The following PRKAR1B variants were observed in gnomAD, a reference collection of about 807,000 sequenced individuals.
PRKAR1B encodes the protein protein kinase cAMP-dependent type I regulatory subunit beta, also known as cAMP-dependent protein kinase type I-beta regulatory subunit.
A neutral mutation model predicts 46.5 loss-of-function variants in PRKAR1B; 22 were observed. The observed-to-expected ratio is 0.47, with a 90% CI of 0.34 to 0.68. The LOEUF (loss-of-function observed/expected upper bound fraction) is 0.68, where lower values mean the gene tolerates loss of function less well. Ranked by LOEUF, PRKAR1B falls within the 30% of genes least tolerant of loss-of-function variation. PRKAR1B has a pLI of 0.01. For missense variants in PRKAR1B, 445 were observed against 535.6 expected (o/e 0.83, Z 1.67); for synonymous variants, 259 against 217.7 (o/e 1.19, Z -1.67).
At chr7:630,246 G>A (rs1783658381) in intron 4 of PRKAR1B, among the ~76,000 whole-genome samples, 1 of 152,212 alleles carries the variant, frequency 6.6e-6, no homozygotes. Flanking sequence ...AGGTGACCGT[G>A]GCTCCTAGCA....
At chr7:683,609 C>G (rs1778824281) in intron 2 of PRKAR1B, among the ~76,000 whole-genome samples, 1 of 152,220 alleles carries the variant, frequency 6.6e-6, no homozygotes, top group Admixed American at 6.5e-5. Context: ...AGCCGCCATC[C>G]ATCCTGTGGG....
At chr7:562,634 C>G (rs574152884) in intron 9 of PRKAR1B, among the ~76,000 whole-genome samples, 4 of 152,368 alleles carry the variant, frequency 2.6e-5, no homozygotes, top group Middle Eastern at 3.4e-3. Flanking sequence ...ATTACTGCCC[C>G]TCCATCTGCC....
intron 4 of PRKAR1B, among the ~76,000 whole-genome samples, chr7:659,961 C>T (rs28638010): frequency 0.12 from 18,361 of 151,950 alleles, 1,232 homozygotes; most frequent in South Asian, 0.24. Flanking sequence ...TAGATCTCCC[C>T]AGTGAGCAGA....
chr7:673,442 G>T (rs986150414), intron 4 of PRKAR1B, among the ~76,000 whole-genome samples: 3 of 152,040 alleles, frequency 2.0e-5, no homozygotes, highest in Non-Finnish European at 4.4e-5. Flanking sequence ...AAGGTCAGGA[G>T]ATCGAGACCA....
chr7:701,327 G>T (rs1474496374), intron 2 of PRKAR1B, among the ~76,000 whole-genome samples: 2 of 149,994 alleles, frequency 1.3e-5, no homozygotes, highest in Non-Finnish European at 3.0e-5. Flanking sequence ...AAAAGAAAGA[G>T]AAGAAAAGAA....
At chr7:553,877 T>TGCC (rs1784401581) in intron 9 of PRKAR1B, among the ~76,000 whole-genome samples, 1 of 152,274 alleles carries the variant, frequency 6.6e-6, no homozygotes, top group African/African-American at 2.4e-5. Flanking sequence ...CCCAGGCCTC[T>TGCC]GCCGTGTTTA....
intron 8 of PRKAR1B, among the ~76,000 whole-genome samples, chr7:583,906 GC>G (rs1486766344): frequency 6.6e-6 from 1 of 152,234 alleles, no homozygotes; most frequent in Non-Finnish European, 1.5e-5. Context: ...CACTGGCCCA[GC>G]TGGCGCCATC....
At chr7:566,204 C>T (rs1178156642) in intron 9 of PRKAR1B, among the ~76,000 whole-genome samples, 1 of 152,088 alleles carries the variant, frequency 6.6e-6, no homozygotes, top group Non-Finnish European at 1.5e-5. Flanking sequence ...CCACCATGGC[C>T]ATCTTCACCA....
chr7:691,039 C>T (rs1779387987), intron 2 of PRKAR1B, among the ~76,000 whole-genome samples: 1 of 152,058 alleles, frequency 6.6e-6, no homozygotes, highest in Non-Finnish European at 1.5e-5. Flanking sequence ...GCTGCAAATC[C>T]TACCCACAGG....
chr7:590,185 C>G (rs1401167560), intron 7 of PRKAR1B, among the ~76,000 whole-genome samples: 1 of 152,206 alleles, frequency 6.6e-6, no homozygotes, highest in Admixed American at 6.5e-5. Context: ...GAGTGTGGCT[C>G]CCACAGCCCT....
chr7:707,330 G>A (rs544386616), intron 2 of PRKAR1B, among the ~76,000 whole-genome samples: 1 of 152,260 alleles, frequency 6.6e-6, no homozygotes, highest in Admixed American at 6.5e-5. Context: ...ACATTTTGGC[G>A]GACGCCCCTC....
chr7:690,968 C>G (rs2128515793), intron 2 of PRKAR1B, among the ~76,000 whole-genome samples: 3 of 152,310 alleles, frequency 2.0e-5, no homozygotes, highest in Admixed American at 2.0e-4. Context: ...TCCCAGCGGC[C>G]CATCGGCTCT....
chr7:602,933 C>T lies in PRKAR1B; in HGVS notation c.549+3260G>A, dbSNP rs996408707. ...CCTCTGAGTCCCGAGTCCACGCGAT[C>T]CTGACCCGTCCACCACCCTCCTCGA... On this transcript the variant is annotated intron_variant, in intron 6 of 10. Coordinates refer to ENST00000537384, the MANE Select transcript of PRKAR1B (RefSeq NM_001164760.2). This position sits in a 1 kb window ranked among gnomAD's most constrained non-coding sequence, Gnocchi z 6.4. 6.6e-6 allele frequency among the ~76,000 whole-genome samples: 1 copy of T among 152,168 alleles called. No individual in the cohort carries two copies. Among genetic ancestry groups the T allele is most frequent in the Non-Finnish European group, 1.5e-5 (1 of 68,028 alleles).
intron 9 of PRKAR1B, among the ~76,000 whole-genome samples, chr7:558,131 T>C (rs1438702170): frequency 1.3e-5 from 2 of 149,592 alleles, no homozygotes; most frequent in Admixed American, 6.6e-5. Context: ...CTGGGCAACA[T>C]AGTGAGACCC....
chr7:555,680 G>C (rs148005150), intron 9 of PRKAR1B, among the ~76,000 whole-genome samples: 1,953 of 152,264 alleles, frequency 0.013, 11 homozygotes, highest in Middle Eastern at 0.02. Context: ...GTTGTGGGGG[G>C]CATGAATTTC....
chr7:644,823 G>C lies in PRKAR1B; in HGVS notation c.440+32406C>G, dbSNP rs566986579. Among the ~76,000 whole-genome samples the C allele has an allele frequency of 2.0e-5, 3 of 152,288 alleles. No homozygotes were observed. The East Asian group carries it at 5.8e-4, about 29-fold the overall frequency. On this transcript the variant is annotated intron_variant, in intron 4 of 10. Coordinates refer to ENST00000537384, the MANE Select transcript of PRKAR1B (RefSeq NM_001164760.2). The surrounding 1 kb of genome is among the most constrained non-coding windows in gnomAD (Gnocchi z 4.9). ...AGGGAAGCGGGCCCCAAAGAGGCTG[G>C]ACCGGGCAGTGCCGTCGGCCAAAGG...
intron 2 of PRKAR1B, among the ~76,000 whole-genome samples, chr7:699,786 G>A (rs951724293): frequency 7.9e-5 from 12 of 152,194 alleles, no homozygotes; most frequent in African/African-American, 7.2e-5. Flanking sequence ...GCCAGACCCC[G>A]TGAGGCAGGA....
Position 680,711 on chromosome 7 carries a change from T to A in PRKAR1B, c.193A>T (p.Ile65Phe). 2.5e-6 allele frequency: 4 copies of A among 1,613,962 alleles called. No individual in the cohort carries two copies. The highest frequency in any genetic ancestry group is 3.4e-6 in the Non-Finnish European group (4 of 1,180,000). ...GAGTTTGACTTTTGCCGCGCCAAAA[T>A]CTGCCTGTTTTCTTCCTGTGTGGGA... ...EKLEKEENRQILARQKSNSQS... is the reference protein window; with the variant it reads ...EKLEKEENRQFLARQKSNSQS... Residue 65 changes from isoleucine (I) to phenylalanine (F), a missense_variant, in exon 3 of 11, where the codon ATT becomes TTT. Ile to Phe is a conservative substitution (Grantham distance 21). Coordinates refer to ENST00000537384, the MANE Select transcript of PRKAR1B (RefSeq NM_001164760.2).
chr7:554,792 C>T (rs1778317729), intron 9 of PRKAR1B, among the ~76,000 whole-genome samples: 1 of 150,798 alleles, frequency 6.6e-6, no homozygotes, highest in African/African-American at 2.4e-5. Flanking sequence ...TCCCACAGAG[C>T]CGGAAGACAG....
Sources: allele counts gnomAD v4.1 joint callset (sites outside exome capture counted in the v4.1 genomes callset), GRCh38; gene constraint gnomAD v4.1.1; non-coding constraint Gnocchi (gnomAD v3.1); transcripts MANE v1.5; gene names NCBI Gene and HGNC (gene_info 2026-07-23, HGNC 2026-07-21).